KIF4A: variants seen among roughly 807,000 people sequenced by gnomAD.
KIF4A encodes kinesin family member 4A, also known as chromosome-associated kinesin KIF4A.
Under a neutral mutation model 105.9 loss-of-function variants are expected in KIF4A, and 7 were observed. That is an observed-to-expected ratio of 0.07 (90% CI 0.04 to 0.12). The LOEUF is 0.12. KIF4A is among the 10% of genes least tolerant of loss of function. The pLI, the probability that KIF4A is intolerant of heterozygous loss-of-function variation, is 1.00. For synonymous variants in KIF4A, 281 were observed against 331.3 expected (o/e 0.85, Z 1.65); for missense variants, 558 against 929.2 (o/e 0.60, Z 5.19).
chrX:70,362,738 G>A (rs1602774030), intron 15 of KIF4A, among the ~76,000 whole-genome samples: 1 of 110,392 alleles, frequency 9.1e-6, no homozygotes, highest in East Asian at 2.9e-4. Flanking sequence ...CACCATGTTG[G>A]CCAGGCTGGT....
intron 25 of KIF4A, 81 bp downstream of exon 25, chrX:70,404,903 A>T: frequency 1.7e-6 from 1 of 604,452 alleles, no homozygotes. Flanking sequence ...TTGTACTTGC[A>T]GCAGAGAGTA....
intron 22 of KIF4A, among the ~76,000 whole-genome samples, chrX:70,397,513 G>GC (rs1181931024): frequency 2.7e-5 from 3 of 112,349 alleles, no homozygotes; most frequent in Non-Finnish European, 5.6e-5. Context: ...TGTTCCCTGT[G>GC]CCGTGGTCAC....
intron 13 of KIF4A, among the ~76,000 whole-genome samples, chrX:70,346,920 AT>A (rs1238263448): frequency 8.9e-6 from 1 of 112,113 alleles, no homozygotes; most frequent in Non-Finnish European, 1.9e-5. Flanking sequence ...AACTATTTTT[AT>A]TTTAAGTGAC....
chrX:70,343,748 A>G lies in KIF4A; in HGVS notation c.1312A>G (p.Arg438Gly). 8.3e-7 allele frequency: 1 copy of G among 1,211,538 alleles called. No homozygotes were observed. The highest frequency in any genetic ancestry group is 1.1e-6 in the Non-Finnish European group (1 of 895,095). The change falls in exon 12 of 31, where the codon AGG becomes GGG. Residue 438 changes from arginine to glycine, a missense_variant. Physicochemically the swap from Arg to Gly is moderately radical, Grantham distance 125. This residue lies in a region of KIF4A where 469 missense variants were observed against 680.4 expected (regional missense o/e 0.69). Transcript: ENST00000374403. ...EKMNAKLEEL[R>G]QHAACKLDLQ... ...AATGAACGCCAAGCTAGAAGAGCTC[A>G]GGCAGCATGCGGCGTAAGTTGCCCA...
intron 28 of KIF4A, 24 bp downstream of exon 28, chrX:70,407,099 T>A (rs779368656): frequency 2.8e-5 from 33 of 1,161,911 alleles, no homozygotes; most frequent in Non-Finnish European, 3.7e-5. Flanking sequence ...CTTCAACTTT[T>A]TTTTTGTTTT....
intron 13 of KIF4A, among the ~76,000 whole-genome samples, chrX:70,350,571 G>C (rs12009480): frequency 1.7e-4 from 19 of 110,055 alleles, no homozygotes; most frequent in Non-Finnish European, 1.1e-4. Flanking sequence ...TGTAGTCCCA[G>C]CTAGTCAGGA....
chrX:70,377,364 ACCCAGCCCC>A (rs1053038781), intron 18 of KIF4A, among the ~76,000 whole-genome samples: 2 of 111,798 alleles, frequency 1.8e-5, no homozygotes, highest in Admixed American at 9.5e-5. Context: ...GAGCCACTGA[ACCCAGCCCC>A]TACTTTAATA....
chrX:70,336,268 A>G (rs1347013014), intron 10 of KIF4A, among the ~76,000 whole-genome samples: 1 of 112,129 alleles, frequency 8.9e-6, no homozygotes, highest in Non-Finnish European at 1.9e-5. Flanking sequence ...ATGTATGCAC[A>G]TTTAAGTTGT....
chrX:70,295,376 A>G (rs2085777839), intron 3 of KIF4A, among the ~76,000 whole-genome samples: 1 of 107,924 alleles, frequency 9.3e-6, no homozygotes, highest in African/African-American at 3.4e-5. Context: ...GGGTTTTGCC[A>G]TGTTGGCCGG....
intron 28 of KIF4A, among the ~76,000 whole-genome samples, chrX:70,413,679 GCC>G (rs2147742990): frequency 9.2e-6 from 1 of 108,397 alleles, no homozygotes; most frequent in South Asian, 4.1e-4. Flanking sequence ...GGTGGCTCAT[GCC>G]TGTAATCCCA....
intron 28 of KIF4A, chrX:70,415,517 A>G: frequency 6.8e-6 from 1 of 147,943 alleles, no homozygotes; most frequent in Non-Finnish European, 1.3e-5. Context: ...CTGAGGCAGG[A>G]GGATCACTAA....
chrX:70,376,352 C>T (rs980574278), intron 18 of KIF4A, 142 bp downstream of exon 18: 4 of 428,203 alleles, frequency 9.3e-6, no homozygotes, highest in African/African-American at 7.5e-5. Flanking sequence ...TAAATGTCTA[C>T]TATGTCTATT....
rs1042039306 is a variant in KIF4A at position 70,420,348 on chromosome X, C to T, written c.*83C>T. 3.7e-6 allele frequency: 4 copies of T among 1,073,347 alleles called. No individual in the cohort carries two copies. Among genetic ancestry groups the T allele is most frequent in the Non-Finnish European group, 4.9e-6 (4 of 815,181 alleles). 88.5% of individuals were successfully genotyped at this position (1,073,347 alleles called of 1,213,427 possible). ...CCAGAAGGGGTTTTTTAAATGACTT[C>T]TCTGGATTTCAGGTTTCTTGCTGTT... On this transcript the variant is annotated 3_prime_UTR_variant, in exon 31 of 31. Transcript: ENST00000374403.
chrX:70,365,759 A>G (rs748307408), intron 15 of KIF4A, among the ~76,000 whole-genome samples: 2 of 111,873 alleles, frequency 1.8e-5, no homozygotes, highest in African/African-American at 6.5e-5. Flanking sequence ...TGGCCTCATA[A>G]AATGAGATAG....
chrX:70,382,366 G>A (rs2086200267), intron 18 of KIF4A, among the ~76,000 whole-genome samples: 2 of 112,448 alleles, frequency 1.8e-5, no homozygotes, highest in Non-Finnish European at 1.9e-5. Flanking sequence ...GGGAGGCAGA[G>A]GTTGCAGTGA....
At chrX:70,363,154 G>C (rs1462586759) in intron 15 of KIF4A, among the ~76,000 whole-genome samples, 1 of 111,526 alleles carries the variant, frequency 9.0e-6, no homozygotes, top group Non-Finnish European at 1.9e-5. Flanking sequence ...AGTAAACCAG[G>C]ACTCAAATTT....
intron 14 of KIF4A, among the ~76,000 whole-genome samples, chrX:70,353,138 A>G (rs191118443): frequency 8.9e-6 from 1 of 112,541 alleles, no homozygotes; most frequent in East Asian, 2.8e-4. Context: ...ACTAAAGGTT[A>G]TAAAGACAAA....
At chrX:70,318,649 T>A (rs1164109793) in intron 7 of KIF4A, among the ~76,000 whole-genome samples, 1 of 112,173 alleles carries the variant, frequency 8.9e-6, no homozygotes, top group Admixed American at 9.4e-5. Context: ...GTGAGAATTT[T>A]AAATTTTTGC....
intron 13 of KIF4A, among the ~76,000 whole-genome samples, chrX:70,345,792 G>C (rs901903129): frequency 8.9e-6 from 1 of 111,780 alleles, no homozygotes; most frequent in Admixed American, 9.5e-5. Context: ...ACAGGTGGGA[G>C]AGGTGGCAAA....
Sources: allele counts gnomAD v4.1 joint callset (sites outside exome capture counted in the v4.1 genomes callset), GRCh38; gene constraint gnomAD v4.1.1; regional missense constraint gnomAD v4.1.1; transcripts MANE v1.5; gene names NCBI Gene and HGNC (gene_info 2026-07-23, HGNC 2026-07-21).